Variants in PIWIL4 observed in about 807,000 individuals in gnomAD.
PIWIL4 encodes piwi-like protein 4.
In PIWIL4, 50 loss-of-function variants were observed where a neutral mutation model predicts 100.9. The observed-to-expected ratio is 0.50, with a 90% CI of 0.39 to 0.63. The LOEUF is 0.63. Ranked by LOEUF, PIWIL4 falls within the 20% of genes least tolerant of loss-of-function variation. PIWIL4 has a pLI of 0.00. For synonymous variants in PIWIL4, 342 were observed against 367.5 expected, an observed-to-expected ratio of 0.93 and a Z score of 0.79; for missense variants, 887 against 1,043.3, an observed-to-expected ratio of 0.85 and a Z score of 2.06.
At chr11:94,597,720 A>C in intron 10 of PIWIL4, 84 bp from the exon 11 acceptor site, 1 of 919,318 alleles carries the variant, frequency 1.1e-6, no homozygotes, top group Non-Finnish European at 1.7e-6. Context: ...AGGAATCCTG[A>C]AGACACAGAA....
chr11:94,596,907 A>G (rs183622062), intron 10 of PIWIL4, among the ~76,000 whole-genome samples: 10 of 152,324 alleles, frequency 6.6e-5, no homozygotes, highest in African/African-American at 2.4e-4. Flanking sequence ...AGTGGTGAAG[A>G]GGTTTGAGCT....
intron 10 of PIWIL4, 118 bp downstream of exon 10, chr11:94,595,544 G>A (rs1948545913): frequency 1.2e-6 from 1 of 858,484 alleles, no homozygotes; most frequent in Non-Finnish European, 1.8e-6. Flanking sequence ...AGAGCAAGGA[G>A]CTTTTGAATT....
chr11:94,575,200 T>C, intron 3 of PIWIL4, 70 bp downstream of exon 3: 5 of 1,483,652 alleles, frequency 3.4e-6, no homozygotes, highest in East Asian at 2.3e-5. Context: ...AAATTCTAGG[T>C]CTAAAATAAA....
chr11:94,583,910 T>C (rs1819229221), intron 5 of PIWIL4, among the ~76,000 whole-genome samples: 1 of 152,234 alleles, frequency 6.6e-6, no homozygotes, highest in African/African-American at 2.4e-5. Context: ...CAAACTTAGT[T>C]AAGTTTGGCT....
rs749220281 is a variant in PIWIL4, at chr11:94,593,483, G to A, written c.1027-35G>A. ...GATGCTCACCTGGCGGTGCTTCCAT[G>A]TTAACTTTTTACTTATTAATCTTGC... On this transcript the variant is annotated intron_variant, in intron 8 of 19. Coordinates refer to ENST00000299001, the MANE Select transcript of PIWIL4 (RefSeq NM_152431.3). 6 of 1,600,124 alleles carry A rather than the reference G, an allele frequency of 3.7e-6. No homozygotes were observed. In the Admixed American group the frequency reaches 8.4e-5, roughly 22 times the overall value.
chr11:94,584,821 T>G (rs1948376496), intron 5 of PIWIL4, among the ~76,000 whole-genome samples: 1 of 152,068 alleles, frequency 6.6e-6, no homozygotes, highest in African/African-American at 2.4e-5. Context: ...TCCCAGCACT[T>G]TGGGAGGCAG....
chr11:94,598,335 C>T (rs1369570353), intron 11 of PIWIL4, among the ~76,000 whole-genome samples: 1 of 152,100 alleles, frequency 6.6e-6, no homozygotes, highest in Non-Finnish European at 1.5e-5. Context: ...CTTTTAGTTG[C>T]CATGTCAGTT....
At position 94,604,303 on chromosome 11, in the gene PIWIL4, C is replaced by A. The variant is rs148019302; in HGVS notation, c.1638+247C>A. ...CAGCCATTGGTGTCTGCATATTTTG[C>A]AACTCATTGGGGTCATCTTTTCCTT... On this transcript the variant is annotated intron_variant, in intron 13 of 19. Transcript: ENST00000299001. Among the ~76,000 whole-genome samples the A allele has an allele frequency of 2.9e-3, 437 of 152,222 alleles. 4 individuals are homozygous for A. Among genetic ancestry groups the A allele is most frequent in the African/African-American group, 0.01 (416 of 41,510 alleles).
At chr11:94,617,813 A>G in intron 16 of PIWIL4, 141 bp from the exon 17 acceptor site, 1 of 828,438 alleles carries the variant, frequency 1.2e-6, no homozygotes, top group Non-Finnish European at 1.9e-6. Flanking sequence ...TATTCTTGCA[A>G]ATATAACCCA....
rs147297550 is a variant in PIWIL4, at chr11:94,615,408, T to C, written c.1944-1085T>C. Among the ~76,000 whole-genome samples, 1,029 of 152,300 alleles carry C rather than the reference T, an allele frequency of 6.8e-3. 8 individuals carry two copies. The highest frequency in any genetic ancestry group is 0.024 in the African/African-American group (979 of 41,552). On this transcript the variant is annotated intron_variant, in intron 15 of 19. Transcript: ENST00000299001. ...AATCTCTTTGTGTTACCCTCTTTAA[T>C]GCATCCATTCTCTGATGTTTTACTC...
rs143821433 is a variant in PIWIL4 at position 94,614,802 on chromosome 11, G to C, written c.1944-1691G>C. Among the ~76,000 whole-genome samples the C allele has an allele frequency of 2.3e-3, 348 of 152,218 alleles. 1 individual carries two copies. Among genetic ancestry groups the C allele is most frequent in the African/African-American group, 7.3e-3 (304 of 41,522 alleles). On this transcript the variant is annotated intron_variant, in intron 15 of 19. Coordinates refer to ENST00000299001, the MANE Select transcript of PIWIL4 (RefSeq NM_152431.3). Reference sequence around the variant, plus strand: ...CACTCCACACTTCTGGTTCTCACTTGGTGGGGGGATCCTTAAAATTGCATG... The same window carrying C: ...CACTCCACACTTCTGGTTCTCACTTCGTGGGGGGATCCTTAAAATTGCATG...
intron 14 of PIWIL4, chr11:94,608,268 G>A: frequency 3.9e-6 from 1 of 253,704 alleles, no homozygotes; most frequent in Non-Finnish European, 7.6e-6. Flanking sequence ...CCAGAGGCAA[G>A]CGATAGATAC....
At chr11:94,593,029 T>TAC (rs1471108229) in intron 8 of PIWIL4, among the ~76,000 whole-genome samples, 2 of 152,214 alleles carry the variant, frequency 1.3e-5, no homozygotes, top group Non-Finnish European at 2.9e-5. Context: ...CGTAACATCC[T>TAC]ACTATCCTAG....
chr11:94,596,056 A>G (rs1402065744), intron 10 of PIWIL4, among the ~76,000 whole-genome samples: 2 of 152,200 alleles, frequency 1.3e-5, no homozygotes, highest in Non-Finnish European at 2.9e-5. Flanking sequence ...CTAGTGACAC[A>G]TCTAGAAATG....
At chr11:94,572,913 A>G (rs900621855) in intron 2 of PIWIL4, among the ~76,000 whole-genome samples, 1 of 152,148 alleles carries the variant, frequency 6.6e-6, no homozygotes, top group African/African-American at 2.4e-5. Context: ...GATTCTTCCT[A>G]TCCATGAGCG....
intron 12 of PIWIL4, among the ~76,000 whole-genome samples, chr11:94,603,552 C>T (rs1477764068): frequency 6.6e-6 from 1 of 152,176 alleles, no homozygotes; most frequent in East Asian, 1.9e-4. Context: ...ATATCTTGGT[C>T]TCATTAACCT....
chr11:94,584,263 A>G (rs947906612), intron 5 of PIWIL4, among the ~76,000 whole-genome samples: 1 of 152,176 alleles, frequency 6.6e-6, no homozygotes, highest in Admixed American at 6.5e-5. Flanking sequence ...CATTAAGATG[A>G]TCTGTTAGAA....
At chr11:94,606,229 C>A (rs1371887035) in intron 13 of PIWIL4, among the ~76,000 whole-genome samples, 2 of 152,214 alleles carry the variant, frequency 1.3e-5, no homozygotes, top group African/African-American at 4.8e-5. Context: ...CATTGGGCCA[C>A]TGCCTTGTTC....
intron 10 of PIWIL4, 127 bp from the exon 11 acceptor site, chr11:94,597,677 A>AG: frequency 1.6e-6 from 1 of 631,646 alleles, no homozygotes; most frequent in Non-Finnish European, 2.7e-6. Context: ...TCTTTTAAGC[A>AG]GGGAAAAAAT....
Sources: gnomAD v4.1 joint callset for allele counts (sites outside exome capture counted in the v4.1 genomes callset) on GRCh38, gnomAD v4.1.1 for gene constraint, MANE v1.5 for transcripts, NCBI Gene and HGNC (gene_info 2026-07-23, HGNC 2026-07-21) for gene names.